The following RAB19 variants were observed in gnomAD, a reference collection of about 807,000 sequenced individuals.
The protein encoded by RAB19 is RAB19, member RAS oncogene family.
In RAB19, 21 loss-of-function variants were observed where a neutral mutation model predicts 17.3. The ratio of observed to expected loss-of-function variants is 1.21; its 90% confidence interval spans 0.86 to 1.74. The LOEUF is 1.74. RAB19 is among the 40% of genes most tolerant of loss of function. The pLI is 0.00. For synonymous variants in RAB19, 126 were observed against 110.4 expected (o/e 1.14, Z -0.88); for missense variants, 277 against 286.8 (o/e 0.97, Z 0.25).
rs1269453769 is a variant in RAB19, at chr7:140,426,617, C to T, written c.*467C>T. On this transcript the variant is annotated 3_prime_UTR_variant, in exon 4 of 4. Coordinates refer to ENST00000537763, the MANE Select transcript of RAB19 (RefSeq NM_001008749.3). ...GCAGGGAGAATGGAACGAAAGCCTG[C>T]AATGAGAAACCAGAATGCTGCTATC... Among the ~76,000 whole-genome samples the T allele has an allele frequency of 1.3e-5, 2 of 152,164 alleles. No homozygotes were observed. Among genetic ancestry groups the T allele is most frequent in the African/African-American group, 2.4e-5 (1 of 41,448 alleles).
intron 3 of RAB19, among the ~76,000 whole-genome samples, chr7:140,415,775 C>T (rs147184153): frequency 2.3e-5 from 1 of 43,674 alleles, no homozygotes; most frequent in Non-Finnish European, 8.2e-5. Flanking sequence ...TGTGGTGGTG[C>T]ACGCCTGGAG....
At chr7:140,412,986 C>T (rs1237289976) in intron 3 of RAB19, among the ~76,000 whole-genome samples, 1 of 151,810 alleles carries the variant, frequency 6.6e-6, no homozygotes, top group African/African-American at 2.4e-5. Context: ...ATTAGCTGAG[C>T]GTGGTGGTGC....
rs1003349525 is a variant in RAB19, at chr7:140,427,792, G to T, written c.*1642G>T. ...TATTGTAGAAATGAAGTCTTGCTAC[G>T]TTGCCCAGGCTGGTCTCCAATTCCT... On this transcript the variant is annotated 3_prime_UTR_variant, in exon 4 of 4. Coordinates refer to ENST00000537763, the MANE Select transcript of RAB19 (RefSeq NM_001008749.3). Among the ~76,000 whole-genome samples the T allele has an allele frequency of 1.3e-5, 2 of 150,816 alleles. No homozygotes were observed. The highest frequency in any genetic ancestry group is 3.0e-5 in the Non-Finnish European group (2 of 67,738).
chr7:140,408,344 C>T (rs1232166464), intron 2 of RAB19, among the ~76,000 whole-genome samples: 3 of 151,790 alleles, frequency 2.0e-5, no homozygotes, highest in South Asian at 2.1e-4. Context: ...AAATGAGACA[C>T]GAACCCAGAA....
At chr7:140,413,724 A>G (rs1008422527) in intron 3 of RAB19, among the ~76,000 whole-genome samples, 1 of 152,054 alleles carries the variant, frequency 6.6e-6, no homozygotes, top group African/African-American at 2.4e-5. Flanking sequence ...TAAATAAATA[A>G]TAAAAGGCAA....
chr7:140,422,066 T>C (rs73482567), intron 3 of RAB19, among the ~76,000 whole-genome samples: 3,101 of 152,218 alleles, frequency 0.02, 96 homozygotes, highest in African/African-American at 0.07. Context: ...TGTATAAAGA[T>C]CTAATTGTCT....
intron 3 of RAB19, among the ~76,000 whole-genome samples, chr7:140,419,545 G>A (rs1799521802): frequency 6.6e-6 from 1 of 152,062 alleles, no homozygotes; most frequent in Non-Finnish European, 1.5e-5. Flanking sequence ...GTATTTCTCT[G>A]TTCTCTTGGC....
Position 140,411,993 on chromosome 7 carries a change from C to T in RAB19, c.321C>T (p.Ser107=), listed in dbSNP as rs1284375863. 2.5e-6 allele frequency: 4 copies of T among 1,614,030 alleles called. No homozygotes were observed. Among genetic ancestry groups the T allele is most frequent in the Non-Finnish European group, 3.4e-6 (4 of 1,180,048 alleles). Reference sequence around the variant, plus strand: ...TCACCCGGCGGTCCACGTTCGAGTCCATCCCTCACTGGATTCATGAGATAG... The same window carrying T: ...TCACCCGGCGGTCCACGTTCGAGTCTATCCCTCACTGGATTCATGAGATAG... ...YDLTRRSTFE[S]IPHWIHEIEK... Residue 107 remains serine (S), a synonymous_variant, in exon 3 of 4, where the codon TCC becomes TCT. Transcript: ENST00000537763.
At chr7:140,407,445 T>A in intron 1 of RAB19, 179 bp from the exon 2 acceptor site, 1 of 564,418 alleles carries the variant, frequency 1.8e-6, no homozygotes. Context: ...ACCCCTAAAG[T>A]AAGATCAACA....
chr7:140,415,428 A>G (rs1257682439), intron 3 of RAB19, among the ~76,000 whole-genome samples: 1 of 152,070 alleles, frequency 6.6e-6, no homozygotes, highest in Non-Finnish European at 1.5e-5. Flanking sequence ...TTGTCCCTCT[A>G]AAGATCTCAG....
intron 3 of RAB19, among the ~76,000 whole-genome samples, chr7:140,412,331 A>G (rs1471809029): frequency 1.3e-5 from 2 of 152,042 alleles, no homozygotes; most frequent in African/African-American, 2.4e-5. Context: ...GGGCGCCTGT[A>G]GTCCCAGCTA....
intron 3 of RAB19, among the ~76,000 whole-genome samples, chr7:140,412,415 G>C (rs1036756724): frequency 1.3e-5 from 2 of 152,086 alleles, no homozygotes; most frequent in African/African-American, 2.4e-5. Flanking sequence ...TTGTGCCATT[G>C]CACTCCAGCC....
At chr7:140,423,870 T>A (rs1056082058) in intron 3 of RAB19, among the ~76,000 whole-genome samples, 5 of 152,208 alleles carry the variant, frequency 3.3e-5, no homozygotes, top group African/African-American at 7.2e-5. Context: ...CCTTTTTTTT[T>A]AAGACAGAAT....
At chr7:140,409,553 C>T (rs1375806403) in intron 2 of RAB19, among the ~76,000 whole-genome samples, 2 of 151,858 alleles carry the variant, frequency 1.3e-5, no homozygotes, top group Non-Finnish European at 2.9e-5. Context: ...AAAAATTAAC[C>T]GGGCGTGGTG....
In RAB19 at chr7:140,418,396, CAAAAAAA is replaced by C. The variant is rs140238398; in HGVS notation, c.385+6359_385+6365del. 4.2e-3 allele frequency among the ~76,000 whole-genome samples: 298 copies of C among 70,360 alleles called. 3 individuals carry two copies. The highest frequency in any genetic ancestry group is 0.016 in the African/African-American group (281 of 17,406). The allele number at this position is 70,360 out of a possible 152,430, so 46.2% of individuals were successfully genotyped here. ...GTGAAACCCCGTCTCTGCTAAAATA[CAAAAAAA>C]AAAAAAAAAAAAAAAAAAATTAGCC... is the stretch of plus-strand genomic sequence containing the variant. On this transcript the variant is annotated intron_variant, in intron 3 of 3. Coordinates refer to ENST00000537763, the MANE Select transcript of RAB19 (RefSeq NM_001008749.3).
chr7:140,424,710 G>T (rs1220816188), intron 3 of RAB19, among the ~76,000 whole-genome samples: 1 of 142,764 alleles, frequency 7.0e-6, no homozygotes, highest in Admixed American at 7.3e-5. Flanking sequence ...CATATATAAT[G>T]ACTTCCCATA....
chr7:140,416,578 T>C (rs1799462074), intron 3 of RAB19, among the ~76,000 whole-genome samples: 1 of 152,090 alleles, frequency 6.6e-6, no homozygotes, highest in Non-Finnish European at 1.5e-5. Context: ...TAATGTTCTG[T>C]GTGTCTGTCT....
intron 3 of RAB19, among the ~76,000 whole-genome samples, chr7:140,414,670 C>T (rs898976318): frequency 2.6e-5 from 4 of 152,264 alleles, no homozygotes; most frequent in East Asian, 1.9e-4. Context: ...GTTTTCTGTT[C>T]GTGGCCTCCC....
chr7:140,413,845 C>T (rs768020360), intron 3 of RAB19, among the ~76,000 whole-genome samples: 12 of 152,146 alleles, frequency 7.9e-5, no homozygotes, highest in Non-Finnish European at 1.2e-4. Context: ...GGAAACCCAG[C>T]AATGGTGGCT....
Sources: allele counts gnomAD v4.1 joint callset (sites outside exome capture counted in the v4.1 genomes callset), GRCh38; gene constraint gnomAD v4.1.1; transcripts MANE v1.5; gene names NCBI Gene and HGNC (gene_info 2026-07-23, HGNC 2026-07-21).